Variants in PCSK5 observed in about 807,000 individuals in gnomAD.
PCSK5 encodes the protein proprotein convertase subtilisin/kexin type 5.
In PCSK5, 129 loss-of-function variants were observed where a neutral mutation model predicts 233.2. That is an observed-to-expected ratio of 0.55 (90% CI 0.48 to 0.64). PCSK5 has a LOEUF of 0.64. PCSK5 is among the 30% of genes least tolerant of loss of function. The probability of loss-of-function intolerance (pLI) is 0.00; values close to 1 mark genes in which losing one functional copy is unlikely to be tolerated. For synonymous variants in PCSK5, 825 were observed against 879.2 expected, an observed-to-expected ratio of 0.94 and a Z score of 1.09; for missense variants, 2,076 against 2,430.1, an observed-to-expected ratio of 0.85 and a Z score of 3.06.
intron 5 of PCSK5, among the ~76,000 whole-genome samples, chr9:76,040,325 GTCTCTCTCTCTCTCTCTCTCTC>G (rs757550088): frequency 1.0e-3 from 80 of 79,050 alleles, no homozygotes; most frequent in South Asian, 3.4e-3. Context: ...TGTGTTCTCT[GTCTCTCTCTCTCTCTCTCTCTC>G]TCTCTCTCTC....
intron 5 of PCSK5, among the ~76,000 whole-genome samples, chr9:76,050,654 T>G (rs1266066250): frequency 6.6e-6 from 1 of 152,232 alleles, no homozygotes; most frequent in African/African-American, 2.4e-5. Flanking sequence ...TAACACCTTG[T>G]ACGTAAACCT....
intron 24 of PCSK5, among the ~76,000 whole-genome samples, chr9:76,266,431 TTCTAAATGTGTG>T (rs1243093721): frequency 4.6e-5 from 7 of 152,180 alleles, no homozygotes; most frequent in Admixed American, 3.9e-4. Flanking sequence ...CTCCAAATGT[TTCTAAATGTGTG>T]CCTATTTAAT....
intron 33 of PCSK5, among the ~76,000 whole-genome samples, chr9:76,330,565 A>G: frequency 6.6e-6 from 1 of 152,178 alleles, no homozygotes; most frequent in Non-Finnish European, 1.5e-5. Flanking sequence ...TCTAGGCAAC[A>G]TAGTGAGACT....
intron 3 of PCSK5, among the ~76,000 whole-genome samples, chr9:76,016,208 C>T (rs1225197101): frequency 6.6e-6 from 1 of 152,220 alleles, no homozygotes. Context: ...GGATATGTTA[C>T]ATCTTGGTAA....
In PCSK5 at chr9:76,067,947, GC is replaced by G; in HGVS notation, c.633-6del. On this transcript the variant is annotated splice_polypyrimidine_tract_variant and splice_region_variant and intron_variant, in intron 5 of 37. Coordinates refer to ENST00000674117, the MANE Select transcript of PCSK5 (RefSeq NM_001372043.1). ...TTACTTGAGAAAGTGTGTGTGTTCTGCCTGCAGGCATGGGACTCGCTGTGCT... is the reference window on the plus strand; with the variant it reads ...TTACTTGAGAAAGTGTGTGTGTTCTGCTGCAGGCATGGGACTCGCTGTGCT... 5.6e-6 allele frequency: 9 copies of G among 1,611,230 alleles called. No individual in the cohort carries two copies. Among genetic ancestry groups the G allele is most frequent in the Non-Finnish European group, 7.6e-6 (9 of 1,177,736 alleles).
chr9:76,083,323 A>G (rs1830928808), intron 7 of PCSK5, among the ~76,000 whole-genome samples: 1 of 150,846 alleles, frequency 6.6e-6, no homozygotes, highest in Non-Finnish European at 1.5e-5. Context: ...TTTTTTGTAG[A>G]TGTTTTAGGA....
At chr9:76,047,496 A>C (rs1442297623) in intron 5 of PCSK5, among the ~76,000 whole-genome samples, 1 of 152,174 alleles carries the variant, frequency 6.6e-6, no homozygotes, top group Non-Finnish European at 1.5e-5. Flanking sequence ...TGACTTGAGA[A>C]AGAGTCATTT....
At chr9:76,009,649 A>G (rs1827643528) in intron 3 of PCSK5, among the ~76,000 whole-genome samples, 1 of 151,906 alleles carries the variant, frequency 6.6e-6, no homozygotes, top group South Asian at 2.1e-4. Flanking sequence ...AAAACAAAAA[A>G]GAAAAATCCT....
chr9:76,182,588 T>C (rs902846146), intron 16 of PCSK5, among the ~76,000 whole-genome samples: 15 of 151,806 alleles, frequency 9.9e-5, no homozygotes, highest in African/African-American at 3.6e-4. Flanking sequence ...ATGTGTACCT[T>C]AACACAGAGT....
intron 35 of PCSK5, among the ~76,000 whole-genome samples, chr9:76,343,359 G>A (rs1026521169): frequency 1.3e-5 from 2 of 151,008 alleles, no homozygotes; most frequent in African/African-American, 4.9e-5. Flanking sequence ...GTGTGTGTGT[G>A]TGTGTGTGTG....
At chr9:76,046,812 G>C (rs1033398399) in intron 5 of PCSK5, among the ~76,000 whole-genome samples, 3 of 151,510 alleles carry the variant, frequency 2.0e-5, no homozygotes, top group Admixed American at 1.3e-4. Context: ...CGCCCGCCTC[G>C]GCCTCCCAAA....
At chr9:76,135,816 T>A (rs2131751100) in intron 10 of PCSK5, among the ~76,000 whole-genome samples, 1 of 152,220 alleles carries the variant, frequency 6.6e-6, no homozygotes, top group Admixed American at 6.6e-5. Flanking sequence ...TTAACCTCCA[T>A]GAAGCTGAAG....
At chr9:76,188,551 T>C in intron 17 of PCSK5, 27 bp from the exon 18 acceptor site, 5 of 1,520,256 alleles carry the variant, frequency 3.3e-6, no homozygotes, top group Non-Finnish European at 4.6e-6. Flanking sequence ...AACAGTCTGT[T>C]TGAAGCTCCC....
intron 24 of PCSK5, among the ~76,000 whole-genome samples, chr9:76,278,898 G>T (rs1218087042): frequency 1.3e-5 from 2 of 152,026 alleles, no homozygotes; most frequent in Non-Finnish European, 2.9e-5. Flanking sequence ...TTGCTTTATT[G>T]TACATTGCAC....
intron 1 of PCSK5, among the ~76,000 whole-genome samples, chr9:75,928,675 G>A (rs565355595): frequency 2.1e-5 from 3 of 141,062 alleles, no homozygotes; most frequent in Non-Finnish European, 4.6e-5. Context: ...GTTTGGTTGG[G>A]GCAGAGTAAT....
chr9:76,047,663 A>G (rs1007708499), intron 5 of PCSK5, among the ~76,000 whole-genome samples: 2 of 152,170 alleles, frequency 1.3e-5, no homozygotes, highest in Non-Finnish European at 2.9e-5. Flanking sequence ...AACTTGCCCA[A>G]TTTGGAGAGG....
chr9:76,011,141 G>A (rs1387075160), intron 3 of PCSK5, among the ~76,000 whole-genome samples: 1 of 152,208 alleles, frequency 6.6e-6, no homozygotes, highest in Non-Finnish European at 1.5e-5. Context: ...TTGCAGTTAC[G>A]CTTGCTAGTG....
intron 5 of PCSK5, among the ~76,000 whole-genome samples, chr9:76,039,759 G>A (rs1048631113): frequency 1.3e-4 from 20 of 152,232 alleles, no homozygotes; most frequent in African/African-American, 4.6e-4. Context: ...GAGAAGCTTG[G>A]TATATGATTT....
intron 27 of PCSK5, among the ~76,000 whole-genome samples, chr9:76,299,441 G>T (rs760502629): frequency 6.6e-6 from 1 of 152,136 alleles, no homozygotes; most frequent in Non-Finnish European, 1.5e-5. Flanking sequence ...GGCCGAGGCG[G>T]GTGGATCTCT....
Sources: gnomAD v4.1 joint callset for allele counts (sites outside exome capture counted in the v4.1 genomes callset) on GRCh38, gnomAD v4.1.1 for gene constraint, MANE v1.5 for transcripts, NCBI Gene and HGNC (gene_info 2026-07-23, HGNC 2026-07-21) for gene names.